Variants in BBS9 observed in about 807,000 individuals in gnomAD.
BBS9 encodes the protein protein PTHB1.
Under a neutral mutation model 117.7 loss-of-function variants are expected in BBS9, and 89 were observed. That is an observed-to-expected ratio of 0.76 (90% CI 0.64 to 0.90). The LOEUF is 0.90. BBS9 is among the 40% of genes least tolerant of loss of function. The pLI, the probability that BBS9 is intolerant of heterozygous loss-of-function variation, is 0.00. For synonymous variants in BBS9, 379 were observed against 370.9 expected, an observed-to-expected ratio of 1.02 and a Z score of -0.25; for missense variants, 982 against 1,042.2, an observed-to-expected ratio of 0.94 and a Z score of 0.80.
At chr7:33,621,253 A>G (rs1159797030) in intron 21 of BBS9, among the ~76,000 whole-genome samples, 1 of 152,204 alleles carries the variant, frequency 6.6e-6, no homozygotes, top group Non-Finnish European at 1.5e-5. Context: ...TCAAAAGAGT[A>G]AACAGACAAC....
chr7:33,473,782 C>T (rs905806243), intron 19 of BBS9, among the ~76,000 whole-genome samples: 5 of 152,156 alleles, frequency 3.3e-5, no homozygotes, highest in Admixed American at 3.3e-4. Context: ...CTACAAACTT[C>T]TATGCTATGT....
In BBS9 at chr7:33,340,943, C is replaced by A. The variant is rs61764066; in HGVS notation, c.1245C>A (p.Val415=). Residue 415 remains valine, a synonymous_variant, in exon 11 of 23, where the codon GTC becomes GTA. Transcript: ENST00000242067. ...TEREDDLNVS[V]VVSPNFDSVS... ...GAGAAGATGACTTGAACGTTTCTGT[C>A]GTGGTTTCTCCTAACTTTGATTCAG... 1.2e-6 allele frequency: 2 copies of A among 1,613,494 alleles called. No individual in the cohort carries two copies. The highest frequency in any genetic ancestry group is 1.7e-6 in the Non-Finnish European group (2 of 1,179,636).
intron 1 of BBS9, among the ~76,000 whole-genome samples, chr7:33,142,216 T>C (rs902446765): frequency 2.0e-5 from 3 of 152,200 alleles, no homozygotes; most frequent in African/African-American, 2.4e-5. Flanking sequence ...CCACCGCGCC[T>C]GGCCTAAATT....
At chr7:33,273,542 G>T (rs530587804) in intron 8 of BBS9, among the ~76,000 whole-genome samples, 1 of 152,070 alleles carries the variant, frequency 6.6e-6, no homozygotes, top group Non-Finnish European at 1.5e-5. Context: ...TAGTGAATGC[G>T]TAGTAAATCA....
At chr7:33,292,661 A>G (rs1231075795) in intron 9 of BBS9, among the ~76,000 whole-genome samples, 2 of 152,220 alleles carry the variant, frequency 1.3e-5, no homozygotes, top group East Asian at 3.8e-4. Flanking sequence ...TATTGTATGC[A>G]TAAATAATAT....
intron 19 of BBS9, among the ~76,000 whole-genome samples, chr7:33,441,679 C>A (rs1051001145): frequency 6.6e-6 from 1 of 152,060 alleles, no homozygotes. Flanking sequence ...TGGTTGTTAA[C>A]CCATTTAATT....
At chr7:33,611,698 A>T (rs1864880233) in intron 21 of BBS9, among the ~76,000 whole-genome samples, 1 of 138,468 alleles carries the variant, frequency 7.2e-6, no homozygotes, top group Non-Finnish European at 1.5e-5. Flanking sequence ...AATTAATATT[A>T]ATATATATAA....
At chr7:33,278,996 TAGA>T (rs1801309935) in intron 9 of BBS9, among the ~76,000 whole-genome samples, 1 of 152,202 alleles carries the variant, frequency 6.6e-6, no homozygotes, top group South Asian at 2.1e-4. Context: ...CATAATCTGT[TAGA>T]ATTTTAAAGG....
intron 18 of BBS9, among the ~76,000 whole-genome samples, chr7:33,385,027 G>A (rs1158606886): frequency 6.6e-6 from 1 of 151,984 alleles, no homozygotes; most frequent in East Asian, 1.9e-4. Flanking sequence ...CAATTCCTTG[G>A]GATATATTTT....
At chr7:33,353,336 C>G (rs1050993324) in intron 15 of BBS9, among the ~76,000 whole-genome samples, 8 of 152,082 alleles carry the variant, frequency 5.3e-5, no homozygotes, top group Admixed American at 1.3e-4. Context: ...TATTCCTTGT[C>G]TTGTTTAGAA....
Position 33,211,768 on chromosome 7 carries a change from G to A in BBS9, c.442+34177G>A, listed in dbSNP as rs570779875. 6.6e-5 allele frequency among the ~76,000 whole-genome samples: 10 copies of A among 152,194 alleles called. No individual in the cohort carries two copies. In the East Asian group the frequency reaches 1.4e-3, roughly 21 times the overall value. ...AGAACTTCTTTAGCATTTCTTGTAGGACAGTTCTGGTGTTGAGGAAATCTC... is the reference window on the plus strand; with the variant it reads ...AGAACTTCTTTAGCATTTCTTGTAGAACAGTTCTGGTGTTGAGGAAATCTC... On this transcript the variant is annotated intron_variant, in intron 5 of 22. Transcript: ENST00000242067.
At chr7:33,375,075 A>G (rs570081312) in intron 17 of BBS9, among the ~76,000 whole-genome samples, 1 of 152,256 alleles carries the variant, frequency 6.6e-6, no homozygotes, top group South Asian at 2.1e-4. Context: ...GATGAACTTG[A>G]GAAGATGTTC....
chr7:33,240,500 A>C (rs1378504175), intron 5 of BBS9, among the ~76,000 whole-genome samples: 1 of 151,902 alleles, frequency 6.6e-6, no homozygotes, highest in Non-Finnish European at 1.5e-5. Context: ...CAATTCTCCC[A>C]CCTTGACCTC....
At chr7:33,329,040 A>T (rs1813430741) in intron 9 of BBS9, among the ~76,000 whole-genome samples, 1 of 112,636 alleles carries the variant, frequency 8.9e-6, no homozygotes. Flanking sequence ...TTTATTTAGA[A>T]ACGGAGTTTC....
At chr7:33,165,539 C>CT (rs1413603998) in intron 4 of BBS9, among the ~76,000 whole-genome samples, 1 of 150,672 alleles carries the variant, frequency 6.6e-6, no homozygotes, top group East Asian at 1.9e-4. Context: ...TTTTTTTACT[C>CT]TTTTTTCTCT....
chr7:33,371,067 T>C (rs1198774447), intron 17 of BBS9, among the ~76,000 whole-genome samples: 1 of 152,204 alleles, frequency 6.6e-6, no homozygotes, highest in Non-Finnish European at 1.5e-5. Context: ...GAAATCATTT[T>C]GTTTCCATTT....
chr7:33,602,469 C>T (rs534059883), intron 21 of BBS9, among the ~76,000 whole-genome samples: 8 of 152,166 alleles, frequency 5.3e-5, no homozygotes, highest in South Asian at 2.1e-4. Context: ...TGGCTCACGC[C>T]TGTAATCCCA....
chr7:33,165,301 T>C (rs566945727), intron 4 of BBS9, among the ~76,000 whole-genome samples: 3 of 152,316 alleles, frequency 2.0e-5, no homozygotes, highest in Admixed American at 1.3e-4. Flanking sequence ...CTGACAATTA[T>C]GTGTCTTGGG....
intron 19 of BBS9, among the ~76,000 whole-genome samples, chr7:33,450,491 A>G (rs1428801152): frequency 2.0e-5 from 3 of 152,138 alleles, no homozygotes; most frequent in Non-Finnish European, 4.4e-5. Context: ...ATTCTTACCA[A>G]CAGTGCACAA....
Sources: gnomAD v4.1 joint callset for allele counts (sites outside exome capture counted in the v4.1 genomes callset) on GRCh38, gnomAD v4.1.1 for gene constraint, MANE v1.5 for transcripts, NCBI Gene and HGNC (gene_info 2026-07-23, HGNC 2026-07-21) for gene names.